Variants in APOB observed in about 807,000 individuals in gnomAD.
APOB encodes the protein apolipoprotein B.
A neutral mutation model predicts 314.1 loss-of-function variants in APOB; 153 were observed. That is an observed-to-expected ratio of 0.49 (90% CI 0.43 to 0.56). The LOEUF (loss-of-function observed/expected upper bound fraction) is 0.56. APOB is among the 20% of genes least tolerant of loss of function. The pLI is 0.00. For synonymous variants in APOB, 2,087 were observed against 2,036.4 expected (o/e 1.02, Z -0.67); for missense variants, 5,430 against 5,350.7 (o/e 1.01, Z -0.46).
intron 6 of APOB, among the ~76,000 whole-genome samples, chr2:21,035,991 C>T (rs1663993928): frequency 6.6e-6 from 1 of 152,194 alleles, no homozygotes; most frequent in African/African-American, 2.4e-5. Context: ...CACACCTGCT[C>T]AGTAACTTTT....
At chr2:21,023,194 C>G (rs1479938595) in intron 17 of APOB, 152 bp from the exon 18 acceptor site, 4 of 819,826 alleles carry the variant, frequency 4.9e-6, no homozygotes, top group Non-Finnish European at 8.1e-6. Flanking sequence ...AGAAGGAAAG[C>G]GAGTTCTCAG....
At chr2:21,035,985 C>A (rs564714428) in intron 6 of APOB, among the ~76,000 whole-genome samples, 2 of 152,318 alleles carry the variant, frequency 1.3e-5, no homozygotes, top group African/African-American at 2.4e-5. Flanking sequence ...CCCTCACACA[C>A]CTGCTCAGTA....
In APOB at chr2:21,015,278, A is replaced by G. The variant is rs376168172; in HGVS notation, c.3509-18T>C. 1 of 1,613,816 alleles carries G rather than the reference A, an allele frequency of 6.2e-7. No individual in the cohort carries two copies. Among genetic ancestry groups the G allele is most frequent in the African/African-American group, 1.3e-5 (1 of 75,038 alleles). On this transcript the variant is annotated intron_variant, in intron 22 of 28. Transcript: ENST00000233242. ...CTCTTCATCTGAAAATACGTAGGAA[A>G]TAGTTGTGAATGGTACTAGTTCAGC...
At chr2:21,043,148 G>A (rs1484870511) in intron 2 of APOB, among the ~76,000 whole-genome samples, 2 of 151,308 alleles carry the variant, frequency 1.3e-5, no homozygotes, top group Non-Finnish European at 2.9e-5. Flanking sequence ...GGGGGTGGAG[G>A]TTCGATTTCT....
Position 21,015,093 on chromosome 2 carries a change from C to G in APOB, c.3676G>C (p.Val1226Leu). The G allele has an allele frequency of 6.2e-7, 1 of 1,614,106 alleles. No individual in the cohort carries two copies. Among genetic ancestry groups the G allele is most frequent in the Non-Finnish European group, 8.5e-7 (1 of 1,180,024 alleles). ...VPQTDMTFRH[V>L]GSKLIVAMSS... is the part of the protein sequence containing the mutation. ...CTTACAACTATTAATTTGGAACCCA[C>G]GTGCCGGAAAGTCATGTCTGTTTGA... is the stretch of plus-strand genomic sequence containing the variant. Residue 1226 changes from valine to leucine, a missense_variant, in exon 23 of 29, where the codon GTG (valine) becomes CTG (leucine). Physicochemically the swap from Val to Leu is conservative, Grantham distance 32 (BLOSUM62 1). Coordinates refer to ENST00000233242, the MANE Select transcript of APOB (RefSeq NM_000384.3).
rs1663298242 is a variant in APOB at position 21,010,962 on chromosome 2, C to T, written c.5906G>A (p.Ser1969Asn). The change falls in exon 26 of 29, where the codon AGT (serine) becomes AAT (asparagine). Residue 1969 changes from serine (S) to asparagine (N), a missense_variant. Physicochemically the swap from Ser to Asn is conservative, Grantham distance 46 (BLOSUM62 1). Coordinates refer to ENST00000233242, the MANE Select transcript of APOB (RefSeq NM_000384.3). ...SISAALEHKV[S>N]ALLTPAEQTG... is the part of the protein sequence containing the mutation. Reference sequence around the variant, plus strand: ...CTGCTCAGCTGGAGTAAGCAGGGCACTGACTTTGTGTTCAAGAGCTGCACT... The same window carrying T: ...CTGCTCAGCTGGAGTAAGCAGGGCATTGACTTTGTGTTCAAGAGCTGCACT... 3 of 1,613,988 alleles carry T rather than the reference C, an allele frequency of 1.9e-6. No homozygotes were observed. The highest frequency in any genetic ancestry group is 1.3e-5 in the African/African-American group (1 of 74,878).
chr2:21,011,124 C>G lies in APOB; in HGVS notation c.5744G>C (p.Gly1915Ala). 6.2e-7 allele frequency: 1 copy of G among 1,614,176 alleles called. No individual in the cohort carries two copies. The highest frequency in any genetic ancestry group is 8.5e-7 in the Non-Finnish European group (1 of 1,180,016). Residue 1915 changes from glycine to alanine, a missense_variant, in exon 26 of 29, where the codon GGG becomes GCG. Transcript: ENST00000233242. ...MTIDAHTNGN[G>A]KLALWGEHTG... is the part of the protein sequence containing the mutation. ...ATGTTCTCCCCAGAGAGCGAGTTTC[C>G]CATTGCCATTTGTATGTGCATCGAT...
At position 21,013,445 on chromosome 2, in the gene APOB, T is replaced by C. The variant is rs1663386573; in HGVS notation, c.3931A>G (p.Lys1311Glu). Residue 1311 changes from lysine (K) to glutamate (E), a missense_variant, in exon 25 of 29, where the codon AAG becomes GAG. Lys to Glu is a moderately conservative substitution (Grantham distance 56). Around this residue, in one of 3 missense-constraint regions of APOB, gnomAD observed 2,085 missense variants for 2,079.7 expected, o/e 1.00. Transcript: ENST00000233242. The stretch of plus-strand genomic sequence containing the variant: ...GGTGTCCTAACAGTCTCTAACATCT[T>C]TAGATCTCTGGAGGATTTGCCACCA... ...PFGGKSSRDL[K>E]MLETVRTPAL... is the part of the protein sequence containing the mutation. The C allele has an allele frequency of 6.2e-7, 1 of 1,614,092 alleles. No homozygotes were observed. The highest frequency in any genetic ancestry group is 1.3e-5 in the African/African-American group (1 of 74,934).
rs773824710 is a variant in APOB, at chr2:21,016,507, C to T, written c.3264G>A (p.Thr1088=). The change falls in exon 21 of 29, where the codon ACG becomes ACA. Residue 1088 remains threonine, a synonymous_variant. Transcript: ENST00000233242. Reference sequence around the variant, plus strand: ...GAATGTCCAGGGTGAGTCTGTAAGACGTTTTGCCCTCAGTAGATTCATCAT... The same window carrying T: ...GAATGTCCAGGGTGAGTCTGTAAGATGTTTTGCCCTCAGTAGATTCATCAT... ...RVNDESTEGK[T]SYRLTLDIQN... is the part of the protein sequence containing the mutation. 2.1e-5 allele frequency: 34 copies of T among 1,611,104 alleles called. No individual in the cohort carries two copies. Among genetic ancestry groups the T allele is most frequent in the Middle Eastern group, 1.7e-4 (1 of 6,054 alleles).
In APOB at chr2:21,014,569, C is replaced by T. The variant is rs773211321; in HGVS notation, c.3721G>A (p.Ala1241Thr). Reference protein sequence around the residue: ...IVAMSSWLQKASGSLPYTQTL... With the variant: ...IVAMSSWLQKTSGSLPYTQTL... ...TGGGTATAAGGAAGACTCCCAGATG[C>T]CTTCTGAAGCCATGAGCTCATTGCC... Residue 1241 changes from alanine to threonine, a missense_variant, in exon 24 of 29, where the codon GCA (alanine) becomes ACA (threonine). Ala to Thr is a moderately conservative substitution (Grantham distance 58). Around this residue, in one of 3 missense-constraint regions of APOB, gnomAD observed 2,085 missense variants for 2,079.7 expected, o/e 1.00. Coordinates refer to ENST00000233242, the MANE Select transcript of APOB (RefSeq NM_000384.3). 2 of 1,614,002 alleles carry T rather than the reference C, an allele frequency of 1.2e-6. No homozygotes were observed. The highest frequency in any genetic ancestry group is 1.1e-5 in the South Asian group (1 of 91,068).
rs61741164 is a variant in APOB at position 21,014,550 on chromosome 2, T to C, written c.3740A>G (p.Tyr1247Cys). ...GAGGTGGTCTTGCAAAGTCTGGGTA[T>C]AAGGAAGACTCCCAGATGCCTTCTG... ...WLQKASGSLP[Y>C]TQTLQDHLNS... Residue 1247 changes from tyrosine to cysteine, a missense_variant, in exon 24 of 29, where the codon TAT becomes TGT. Physicochemically the swap from Tyr to Cys is radical, Grantham distance 194. This residue lies in a region of APOB where 2,085 missense variants were observed against 2,079.7 expected (regional missense o/e 1.00). Transcript: ENST00000233242. 479 of 1,614,060 alleles carry C rather than the reference T, an allele frequency of 3.0e-4. No homozygotes were observed. The highest frequency in any genetic ancestry group is 1.4e-3 in the African/African-American group (102 of 75,004).
Position 21,010,557 on chromosome 2 carries a change from AT to A in APOB, c.6310del (p.Ile2104LeufsTer5). ...TCTGTATTTTCTTACAAATTGATCA[AT>A]ATTGATGTGCTTCAGGTTTCTCTGT... The part of the protein sequence containing the change: ...NVQRNLKHIN[I>X]DQFVRKYRAA... On this transcript the variant is annotated frameshift_variant, in exon 26 of 29. Coordinates refer to ENST00000233242, the MANE Select transcript of APOB (RefSeq NM_000384.3). LOFTEE classifies it high-confidence loss of function. The A allele has an allele frequency of 6.2e-7, 1 of 1,613,150 alleles. No homozygotes were observed. Among genetic ancestry groups the A allele is most frequent in the Non-Finnish European group, 8.5e-7 (1 of 1,179,402 alleles).
intron 2 of APOB, 67 bp from the exon 3 acceptor site, chr2:21,042,543 G>C: frequency 1.9e-6 from 2 of 1,069,240 alleles, no homozygotes. Flanking sequence ...CCAATTCTGG[G>C]CAGAGAGGGG....
chr2:21,009,758 C>T lies in APOB; in HGVS notation c.7110G>A (p.Leu2370=), dbSNP rs755657242. 1.3e-5 allele frequency: 21 copies of T among 1,613,982 alleles called. 1 individual carries two copies. In the South Asian group the frequency reaches 2.1e-4, roughly 16 times the overall value. Reference sequence around the variant, plus strand: ...TGCTTAGCTTCTGAATAGTCTCCTTCAACTTGTATTGGTGGGCCAACTCTA... The same window carrying T: ...TGCTTAGCTTCTGAATAGTCTCCTTTAACTTGTATTGGTGGGCCAACTCTA... ...KLVELAHQYK[L]KETIQKLSNV... Residue 2370 remains leucine (L), a synonymous_variant, in exon 26 of 29, where the codon TTG becomes TTA. Coordinates refer to ENST00000233242, the MANE Select transcript of APOB (RefSeq NM_000384.3).
Position 21,005,976 on chromosome 2 carries a change from A to G in APOB, c.10892T>C (p.Ile3631Thr). 3 of 1,613,814 alleles carry G rather than the reference A, an allele frequency of 1.9e-6. No individual in the cohort carries two copies. The highest frequency in any genetic ancestry group is 2.2e-5 in the East Asian group (1 of 44,862). The change falls in exon 26 of 29, where the codon ATC becomes ACC. Residue 3631 changes from isoleucine (I) to threonine (T), a missense_variant. Ile to Thr is a moderately conservative substitution (Grantham distance 89). Around this residue, in one of 3 missense-constraint regions of APOB, gnomAD observed 3,281 missense variants for 3,171.0 expected, o/e 1.03. Coordinates refer to ENST00000233242, the MANE Select transcript of APOB (RefSeq NM_000384.3). ...ALNANTKNQK[I>T]RWKNEVRIHS... ...AATCCGGACTTCATTTTTCCATCTGATCTTCTGGTTCTTAGTGTTAGCATT... is the reference window on the plus strand; with the variant it reads ...AATCCGGACTTCATTTTTCCATCTGGTCTTCTGGTTCTTAGTGTTAGCATT...
chr2:21,005,747 G>A lies in APOB; in HGVS notation c.11121C>T (p.Ala3707=). 6.2e-7 allele frequency: 1 copy of A among 1,613,982 alleles called. No individual in the cohort carries two copies. The change falls in exon 26 of 29, where the codon GCC becomes GCT. Residue 3707 remains alanine (A), a synonymous_variant. Transcript: ENST00000233242. ...GRRQHLRVST[A]FVYTKNPNGY... Reference sequence around the variant, plus strand: ...CATTGGGGTTTTTGGTGTACACAAAGGCAGTTGAAACACGAAGATGCTGTC... The same window carrying A: ...CATTGGGGTTTTTGGTGTACACAAAAGCAGTTGAAACACGAAGATGCTGTC...
rs1205744825 is a variant in APOB at position 21,006,240 on chromosome 2, T to C, written c.10628A>G (p.Asn3543Ser). Residue 3543 changes from asparagine to serine, a missense_variant, in exon 26 of 29, where the codon AAC becomes AGC. Physicochemically the swap from Asn to Ser is conservative, Grantham distance 46. This residue lies in a region of APOB where 3,281 missense variants were observed against 3,171.0 expected (regional missense o/e 1.03). Coordinates refer to ENST00000233242, the MANE Select transcript of APOB (RefSeq NM_000384.3). Reference sequence around the variant, plus strand: ...AGCAAAATTTTCTTTTACTTCAAGGTTCCAGATATCATCAATTTTGGAAGT... The same window carrying C: ...AGCAAAATTTTCTTTTACTTCAAGGCTCCAGATATCATCAATTTTGGAAGT... ...QGTSKIDDIW[N>S]LEVKENFAGE... 2 of 1,613,942 alleles carry C rather than the reference T, an allele frequency of 1.2e-6. No individual in the cohort carries two copies. The highest frequency in any genetic ancestry group is 2.7e-5 in the African/African-American group (2 of 74,904).
At position 21,028,032 on chromosome 2, in the gene APOB, T is replaced by C. The variant is rs951466879; in HGVS notation, c.1863A>G (p.Glu621=). The change falls in exon 14 of 29, where the codon GAA becomes GAG. Residue 621 remains glutamate, a synonymous_variant. Coordinates refer to ENST00000233242, the MANE Select transcript of APOB (RefSeq NM_000384.3). ...LKKLVKEALK[E]SQLPTVMDFR... is the part of the protein sequence containing the mutation. ...AGTCCATGACAGTTGGAAGTTGAGA[T>C]TCTTTCAGAGCTTCTTTCACTAACT... 6.2e-6 allele frequency: 10 copies of C among 1,613,482 alleles called. No individual in the cohort carries two copies. Among genetic ancestry groups the C allele is most frequent in the Non-Finnish European group, 8.5e-6 (10 of 1,179,504 alleles).
At chr2:21,031,883 CAAACAAAA>C (rs778886046) in intron 10 of APOB, among the ~76,000 whole-genome samples, 4 of 151,738 alleles carry the variant, frequency 2.6e-5, no homozygotes, top group Non-Finnish European at 5.9e-5. Context: ...ACAAAACAAA[CAAACAAAA>C]AAATTCAGAG....
Sources: allele counts gnomAD v4.1 joint callset (sites outside exome capture counted in the v4.1 genomes callset), GRCh38; gene constraint gnomAD v4.1.1; regional missense constraint gnomAD v4.1.1; transcripts MANE v1.5; gene names NCBI Gene and HGNC (gene_info 2026-07-23, HGNC 2026-07-21).